CCDC24: variants seen among roughly 807,000 people sequenced by gnomAD.
The protein encoded by CCDC24 is coiled-coil domain-containing protein 24.
CCDC24 carries 34 observed loss-of-function variants against 31.6 expected under a neutral mutation model. The ratio of observed to expected loss-of-function variants is 1.08; its 90% CI spans 0.82 to 1.43. CCDC24 has a LOEUF of 1.43. Among genes scored for constraint, CCDC24 ranks in the 40% most tolerant of loss-of-function variants. CCDC24 has a pLI of 0.00. For synonymous variants in CCDC24, 175 were observed against 157.3 expected (o/e 1.11, Z -0.84); for missense variants, 426 against 391.1 (o/e 1.09, Z -0.75).
At chr1:43,994,859 T>C (rs2085804751) in intron 5 of CCDC24, 2 of 574,366 alleles carry the variant, frequency 3.5e-6, no homozygotes, top group Non-Finnish European at 6.2e-6. Flanking sequence ...AGTGCAGAAG[T>C]GTGGGAGAGA....
At position 43,996,273 on chromosome 1, in the gene CCDC24, C is replaced by A; in HGVS notation, c.*113C>A. 9.9e-7 allele frequency: 1 copy of A among 1,013,758 alleles called. No individual in the cohort carries two copies. Among genetic ancestry groups the A allele is most frequent in the Non-Finnish European group, 1.4e-6 (1 of 710,944 alleles). 62.8% of individuals were successfully genotyped at this position (1,013,758 alleles called of 1,614,324 possible). A position where few individuals can be genotyped will look rare whatever the true frequency, so the allele number is the denominator to read the frequency against. On this transcript the variant is annotated 3_prime_UTR_variant, in exon 9 of 9. Coordinates refer to ENST00000372318, the MANE Select transcript of CCDC24 (RefSeq NM_152499.4). ...AGATCTGGTCTTGGCGAGCTCTCGC[C>A]AGGACCCCAAGGCTGTTGGTCTGTC...
At position 43,995,700 on chromosome 1, in the gene CCDC24, C is replaced by G; in HGVS notation, c.622+30C>G. 1 of 1,613,150 alleles carries G rather than the reference C, an allele frequency of 6.2e-7. No homozygotes were observed. The highest frequency in any genetic ancestry group is 8.5e-7 in the Non-Finnish European group (1 of 1,179,376). Reference sequence around the variant, plus strand: ...GGACACGGAGCAGGGCCCAGAACACCCAGCCTCCTGCTCCCACCCCACACT... The same window carrying G: ...GGACACGGAGCAGGGCCCAGAACACGCAGCCTCCTGCTCCCACCCCACACT... On this transcript the variant is annotated intron_variant, in intron 7 of 8. Transcript: ENST00000372318. This position sits in a 1 kb window ranked among gnomAD's most constrained non-coding sequence, Gnocchi z 4.3.
chr1:43,994,442 CT>C (rs1553157967), intron 5 of CCDC24: 113 of 143,178 alleles, frequency 7.9e-4, no homozygotes, highest in Admixed American at 3.2e-3. Flanking sequence ...TTCTTTCTTT[CT>C]TTTTTTTTTT....
At position 43,995,228 on chromosome 1, in the gene CCDC24, A is replaced by AC; in HGVS notation, c.552+69dup. The AC allele has an allele frequency of 2.7e-6, 4 of 1,470,298 alleles. No homozygotes were observed. In the Admixed American group the frequency reaches 7.9e-5, roughly 29 times the overall value. The allele number at this position is 1,470,298 out of a possible 1,614,324, so 91.1% of individuals were successfully genotyped here. On this transcript the variant is annotated intron_variant, in intron 6 of 8. Coordinates refer to ENST00000372318, the MANE Select transcript of CCDC24 (RefSeq NM_152499.4). The surrounding 1 kb of genome is among the most constrained non-coding windows in gnomAD (Gnocchi z 4.3). ...GAGCGTAGACTCTCACCTGGGTGAG[A>AC]CCCATGTACCTGTGTGCATACATAG...
At position 43,996,270 on chromosome 1, in the gene CCDC24, C is replaced by T. The variant is rs938967623; in HGVS notation, c.*110C>T. 1.1e-5 allele frequency: 11 copies of T among 1,014,162 alleles called. No individual in the cohort carries two copies. Among genetic ancestry groups the T allele is most frequent in the African/African-American group, 4.9e-5 (3 of 61,504 alleles). The allele number at this position is 1,014,162 out of a possible 1,614,324, so 62.8% of individuals were successfully genotyped here. ...TTCAGATCTGGTCTTGGCGAGCTCT[C>T]GCCAGGACCCCAAGGCTGTTGGTCT... On this transcript the variant is annotated 3_prime_UTR_variant, in exon 9 of 9. Coordinates refer to ENST00000372318, the MANE Select transcript of CCDC24 (RefSeq NM_152499.4).
rs1359705966 is a variant in CCDC24 at position 43,991,724 on chromosome 1, A to G, written c.-55A>G. The stretch of plus-strand genomic sequence containing the variant: ...GTTCCGGAACGGGCAATCCCAGCCG[A>G]GGGGACCAGCGGCAGAGCACGGGTG... On this transcript the variant is annotated 5_prime_UTR_variant, in exon 1 of 9. Transcript: ENST00000372318. The G allele has an allele frequency of 5.0e-6, 5 of 999,884 alleles. No individual in the cohort carries two copies. The South Asian group carries it at 6.8e-5, about 14-fold the overall frequency. 61.9% of individuals were successfully genotyped at this position (999,884 alleles called of 1,614,324 possible).
rs1044230473 is a variant in CCDC24, at chr1:43,991,806, G to T, written c.-32-41G>T. 1.5e-5 allele frequency: 23 copies of T among 1,533,604 alleles called. No homozygotes were observed. The African/African-American group carries it at 2.5e-4, about 16-fold the overall frequency. 95.0% of individuals were successfully genotyped at this position (1,533,604 alleles called of 1,614,324 possible). Reference sequence around the variant, plus strand: ...GCGGGGTTTGGTGAGCGTTGCCGGCGGGCCCGCGGTACCTCCCGCACTCTG... The same window carrying T: ...GCGGGGTTTGGTGAGCGTTGCCGGCTGGCCCGCGGTACCTCCCGCACTCTG... On this transcript the variant is annotated intron_variant, in intron 1 of 8. Transcript: ENST00000372318.
At position 43,996,212 on chromosome 1, in the gene CCDC24, C is replaced by T. The variant is rs778744655; in HGVS notation, c.*52C>T. 1.3e-5 allele frequency: 19 copies of T among 1,429,476 alleles called. No individual in the cohort carries two copies. The highest frequency in any genetic ancestry group is 5.2e-5 in the Admixed American group (2 of 38,768). 88.5% of individuals were successfully genotyped at this position (1,429,476 alleles called of 1,614,324 possible). ...CTTCTGCCACAGCGCACCTGTCTGC[C>T]GCTGCCGCCTCAGCTGCTTTGGCCC... is the stretch of plus-strand genomic sequence containing the variant. On this transcript the variant is annotated 3_prime_UTR_variant, in exon 9 of 9. Coordinates refer to ENST00000372318, the MANE Select transcript of CCDC24 (RefSeq NM_152499.4).
At position 43,991,830 on chromosome 1, in the gene CCDC24, T is replaced by TG. The variant is rs1294015846; in HGVS notation, c.-32-16dup. ...CGGGCCCGCGGTACCTCCCGCACTCTGACCTGCGGCCCGTAGGTCCGAGCC... is the reference window on the plus strand; with the variant it reads ...CGGGCCCGCGGTACCTCCCGCACTCTGGACCTGCGGCCCGTAGGTCCGAGCC... On this transcript the variant is annotated splice_polypyrimidine_tract_variant and intron_variant, in intron 1 of 8. Transcript: ENST00000372318. 6.5e-7 allele frequency: 1 copy of TG among 1,544,104 alleles called. No homozygotes were observed. The highest frequency in any genetic ancestry group is 8.7e-7 in the Non-Finnish European group (1 of 1,144,070).
Position 43,992,293 on chromosome 1 carries a change from C to T in CCDC24, c.208C>T (p.Leu70Phe). ...CCGCCCCATCTCTGACCCCTCTTCT[C>T]TTCTGGCACCACCGCCTCTCCTAAA... is the stretch of plus-strand genomic sequence containing the variant. ...SSRPISDPSS[L>F]LAPPPLLKDL... The change falls in exon 3 of 9, where the codon CTT becomes TTT. Residue 70 changes from leucine to phenylalanine, a missense_variant. Leu to Phe is a conservative substitution (Grantham distance 22, BLOSUM62 0). Transcript: ENST00000372318. 6.2e-7 allele frequency: 1 copy of T among 1,614,148 alleles called. No individual in the cohort carries two copies. Among genetic ancestry groups the T allele is most frequent in the Non-Finnish European group, 8.5e-7 (1 of 1,180,028 alleles).
rs1277755110 is a variant in CCDC24, at chr1:43,995,367, A to C, written c.552+205A>C. On this transcript the variant is annotated intron_variant, in intron 6 of 8. Transcript: ENST00000372318. This position sits in a 1 kb window ranked among gnomAD's most constrained non-coding sequence, Gnocchi z 4.3. The stretch of plus-strand genomic sequence containing the variant: ...TAGTTGAGCCCTTAAGGCCAGGGCC[A>C]ACCGTTTTAGGTCTTTTGCCTCCTT... The C allele has an allele frequency of 1.4e-6, 1 of 715,978 alleles. No homozygotes were observed. Among genetic ancestry groups the C allele is most frequent in the Non-Finnish European group, 2.3e-6 (1 of 439,572 alleles). The allele number at this position is 715,978 out of a possible 1,614,324, so 44.4% of individuals were successfully genotyped here. A position where few individuals can be genotyped will look rare whatever the true frequency, so the allele number is the denominator to read the frequency against.
intron 4 of CCDC24, among the ~76,000 whole-genome samples, chr1:43,993,460 C>G (rs1343427382): frequency 6.6e-6 from 1 of 151,386 alleles, no homozygotes; most frequent in African/African-American, 2.4e-5. Context: ...AAAAAAGAAG[C>G]CTGGGCAACA....
At chr1:43,991,812 G>T in intron 1 of CCDC24, 35 bp from the exon 2 acceptor site, 1 of 1,536,828 alleles carries the variant, frequency 6.5e-7, no homozygotes. Flanking sequence ...CGGCGGGCCC[G>T]CGGTACCTCC....
chr1:43,996,367 G>GCAT lies in CCDC24; in HGVS notation c.*210_*212dup. The GCAT allele has an allele frequency of 1.8e-6, 1 of 549,344 alleles. No homozygotes were observed. Among genetic ancestry groups the GCAT allele is most frequent in the South Asian group, 2.7e-5 (1 of 37,374 alleles). 34.0% of individuals were successfully genotyped at this position (549,344 alleles called of 1,614,324 possible). A position where few individuals can be genotyped will look rare whatever the true frequency, so the allele number is the denominator to read the frequency against. Reference sequence around the variant, plus strand: ...CTGAGTGGCCGGGCATCGGTCCCAAGCATCAAAGCCTTTGGCCTTTCTCCT... The same window carrying GCAT: ...CTGAGTGGCCGGGCATCGGTCCCAAGCATCATCAAAGCCTTTGGCCTTTCTCCT... On this transcript the variant is annotated 3_prime_UTR_variant, in exon 9 of 9. Coordinates refer to ENST00000372318, the MANE Select transcript of CCDC24 (RefSeq NM_152499.4).
chr1:43,996,116 G>T lies in CCDC24; in HGVS notation c.880G>T (p.Ala294Ser), dbSNP rs563979511. ...QLQCSPREGPASTPMSSAAPQ... is the reference protein window; with the variant it reads ...QLQCSPREGPSSTPMSSAAPQ... ...TCAGTGCAGCCCCAGGGAAGGGCCAGCTTCCACACCCATGTCCAGTGCAGC... is the reference window on the plus strand; with the variant it reads ...TCAGTGCAGCCCCAGGGAAGGGCCATCTTCCACACCCATGTCCAGTGCAGC... Residue 294 changes from alanine to serine, a missense_variant, in exon 9 of 9, where the codon GCT (alanine) becomes TCT (serine). By Grantham distance (99) the Ala-to-Ser change is moderately conservative. Transcript: ENST00000372318. 32 of 1,612,900 alleles carry T rather than the reference G, an allele frequency of 2.0e-5. No homozygotes were observed. The East Asian group carries it at 6.2e-4, about 31-fold the overall frequency.
intron 4 of CCDC24, among the ~76,000 whole-genome samples, chr1:43,993,335 T>C (rs1432442463): frequency 6.6e-6 from 1 of 151,596 alleles, no homozygotes; most frequent in Non-Finnish European, 1.5e-5. Context: ...TCCCAGCTAC[T>C]TGGGAGGCTG....
At chr1:43,992,131 G>A (rs779996983) in intron 2 of CCDC24, 81 bp from the exon 3 acceptor site, 5 of 1,515,980 alleles carry the variant, frequency 3.3e-6, no homozygotes, top group South Asian at 1.3e-5. Flanking sequence ...CTTTGACTCC[G>A]CCCTCTCCCT....
Position 43,991,888 on chromosome 1 carries a change from C to A in CCDC24, c.10C>A (p.His4Asn). The A allele has an allele frequency of 1.9e-6, 3 of 1,552,298 alleles. No homozygotes were observed. The highest frequency in any genetic ancestry group is 2.6e-6 in the Non-Finnish European group (3 of 1,147,616). The change falls in exon 2 of 9, where the codon CAC (histidine) becomes AAC (asparagine). Residue 4 changes from histidine (H) to asparagine (N), a missense_variant. Transcript: ENST00000372318. MLRHSPSLWELVEE... is the reference protein window; with the variant it reads MLRNSPSLWELVEE... ...GCGGCGTCGGTGGGTCATGCTCCGG[C>A]ACTCCCCCTCGCTGTGGGAGCTGGT...
Position 43,991,750 on chromosome 1 carries a change from G to A in CCDC24, c.-33+4G>A. On this transcript the variant is annotated splice_donor_region_variant and intron_variant, in intron 1 of 8. Coordinates refer to ENST00000372318, the MANE Select transcript of CCDC24 (RefSeq NM_152499.4). ...GGGGACCAGCGGCAGAGCACGGGTG[G>A]GGCTTGGGAGAGGGCGGGGCCCATA... 1.6e-6 allele frequency: 2 copies of A among 1,223,314 alleles called. No homozygotes were observed. The highest frequency in any genetic ancestry group is 2.6e-5 in the South Asian group (2 of 77,858). The allele number at this position is 1,223,314 out of a possible 1,614,324, so 75.8% of individuals were successfully genotyped here.
Sources: allele counts gnomAD v4.1 joint callset (sites outside exome capture counted in the v4.1 genomes callset), GRCh38; gene constraint gnomAD v4.1.1; non-coding constraint Gnocchi (gnomAD v3.1); transcripts MANE v1.5; gene names NCBI Gene and HGNC (gene_info 2026-07-23, HGNC 2026-07-21).